The following LRBA variants were observed in gnomAD, a reference collection of about 807,000 sequenced individuals.
LRBA encodes lipopolysaccharide-responsive and beige-like anchor protein.
LRBA carries 176 observed loss-of-function variants against 330.0 expected under a neutral mutation model. The observed-to-expected ratio is 0.53, with a 90% CI of 0.47 to 0.60. The LOEUF is 0.60. Among genes scored for constraint, LRBA ranks in the 20% least tolerant of loss-of-function variants. The pLI is 0.00. For synonymous variants in LRBA, 1,230 were observed against 1,193.0 expected, an observed-to-expected ratio of 1.03 and a Z score of -0.64; for missense variants, 3,259 against 3,444.8, an observed-to-expected ratio of 0.95 and a Z score of 1.35.
intron 40 of LRBA, among the ~76,000 whole-genome samples, chr4:150,559,667 ATATATTATATAATATAT>A (rs1467228438): frequency 2.3e-5 from 2 of 86,686 alleles, no homozygotes; most frequent in Admixed American, 4.2e-4. Flanking sequence ...ATTATAATAT[ATATATTATATAATATAT>A]TATATTATAT....
chr4:150,583,080 T>C lies in LRBA; in HGVS notation c.6330+4968A>G, dbSNP rs1771607964. The C allele has an allele frequency of 6.2e-7, 1 of 1,613,816 alleles. No homozygotes were observed. Among genetic ancestry groups the C allele is most frequent in the African/African-American group, 1.3e-5 (1 of 74,958 alleles). On this transcript the variant is annotated intron_variant, in intron 40 of 56. Coordinates refer to ENST00000651943, the MANE Select transcript of LRBA (RefSeq NM_001364905.1). The surrounding 1 kb of genome is among the most constrained non-coding windows in gnomAD (Gnocchi z 9.8). The stretch of plus-strand genomic sequence containing the variant: ...TTTACCAGCTCAATAAGTACTACAC[T>C]GAGCGCTGTCAGGCGCGCAAGGCGG...
intron 37 of LRBA, among the ~76,000 whole-genome samples, chr4:150,607,763 A>T (rs1774805993): frequency 6.6e-6 from 1 of 151,976 alleles, no homozygotes; most frequent in Non-Finnish European, 1.5e-5. Flanking sequence ...TTAGGCAGAC[A>T]CGGTGGCTCA....
intron 40 of LRBA, among the ~76,000 whole-genome samples, chr4:150,495,379 G>A (rs910919658): frequency 6.6e-5 from 10 of 152,014 alleles, no homozygotes; most frequent in Admixed American, 1.3e-4. Context: ...TTAAAACTTA[G>A]AGAAGAAAAA....
At chr4:150,919,677 CAT>C (rs1219148209) in intron 5 of LRBA, among the ~76,000 whole-genome samples, 2 of 152,162 alleles carry the variant, frequency 1.3e-5, no homozygotes, top group African/African-American at 4.8e-5. Flanking sequence ...AGTGCGTACA[CAT>C]GTTCTCTCTC....
At chr4:150,412,660 C>T (rs984894638) in intron 47 of LRBA, among the ~76,000 whole-genome samples, 2 of 151,958 alleles carry the variant, frequency 1.3e-5, no homozygotes, top group Admixed American at 1.3e-4. Flanking sequence ...AGTAAACATA[C>T]TAACAAACTT....
At chr4:150,449,539 C>A (rs1434560959) in intron 44 of LRBA, among the ~76,000 whole-genome samples, 80 of 145,796 alleles carry the variant, frequency 5.5e-4, no homozygotes, top group Admixed American at 5.4e-4. Flanking sequence ...AAAAAAAAAA[C>A]CAGAAAAGTA....
At chr4:150,657,829 A>T (rs1780365653) in intron 37 of LRBA, among the ~76,000 whole-genome samples, 1 of 152,166 alleles carries the variant, frequency 6.6e-6, no homozygotes, top group Non-Finnish European at 1.5e-5. Flanking sequence ...CAGTATTAAT[A>T]ATATAAGATT....
intron 36 of LRBA, among the ~76,000 whole-genome samples, chr4:150,695,768 A>G (rs1582073799): frequency 6.6e-6 from 1 of 152,304 alleles, no homozygotes; most frequent in East Asian, 1.9e-4. Flanking sequence ...ACTTTCTGCT[A>G]ATCTGCAAAA....
chr4:150,371,977 T>C (rs544244674), intron 47 of LRBA, among the ~76,000 whole-genome samples: 1 of 152,330 alleles, frequency 6.6e-6, no homozygotes, highest in African/African-American at 2.4e-5. Flanking sequence ...CTAATGGTTC[T>C]TCTCTGGAAG....
intron 47 of LRBA, among the ~76,000 whole-genome samples, chr4:150,363,606 T>C (rs1217690802): frequency 1.3e-5 from 2 of 152,210 alleles, no homozygotes; most frequent in Non-Finnish European, 2.9e-5. Flanking sequence ...ATAACCAGTA[T>C]GTAGTAGGTA....
intron 47 of LRBA, among the ~76,000 whole-genome samples, chr4:150,402,873 C>T (rs771824364): frequency 2.6e-5 from 4 of 151,632 alleles, no homozygotes; most frequent in Middle Eastern, 3.4e-3. Context: ...AAAACTAAGC[C>T]GTTCTGGATA....
At chr4:150,472,836 T>C (rs1756298226) in intron 42 of LRBA, among the ~76,000 whole-genome samples, 1 of 152,154 alleles carries the variant, frequency 6.6e-6, no homozygotes, top group African/African-American at 2.4e-5. Context: ...CATTCCTTTT[T>C]ATTGCTGACT....
intron 42 of LRBA, among the ~76,000 whole-genome samples, chr4:150,475,492 T>C (rs1756608073): frequency 2.0e-5 from 3 of 152,228 alleles, no homozygotes; most frequent in Non-Finnish European, 4.4e-5. Flanking sequence ...CCAATTTCTT[T>C]TTGAGCCAGT....
chr4:150,622,656 G>A (rs1033044891), intron 37 of LRBA, among the ~76,000 whole-genome samples: 1 of 151,122 alleles, frequency 6.6e-6, no homozygotes, highest in East Asian at 1.9e-4. Context: ...AGATGGAAAC[G>A]GTGGGTGAAG....
chr4:150,940,017 A>C (rs1181948835), intron 2 of LRBA, among the ~76,000 whole-genome samples: 1 of 152,178 alleles, frequency 6.6e-6, no homozygotes, highest in Non-Finnish European at 1.5e-5. Context: ...ATTGGTACTC[A>C]GTTTTTCCAA....
chr4:150,299,414 G>C (rs1729369266), intron 53 of LRBA, among the ~76,000 whole-genome samples: 1 of 151,986 alleles, frequency 6.6e-6, no homozygotes, highest in Admixed American at 6.6e-5. Flanking sequence ...TTGCTATGTA[G>C]TCTAGGCAGG....
intron 2 of LRBA, among the ~76,000 whole-genome samples, chr4:150,938,307 T>C (rs1735310308): frequency 6.6e-6 from 1 of 152,136 alleles, no homozygotes; most frequent in South Asian, 2.1e-4. Context: ...CCTCAAGATA[T>C]CCAATTTTTC....
chr4:150,618,557 A>C (rs181132124), intron 37 of LRBA, among the ~76,000 whole-genome samples: 1 of 152,080 alleles, frequency 6.6e-6, no homozygotes, highest in African/African-American at 2.4e-5. Flanking sequence ...TTTATTTTTT[A>C]AAGTTAAAAA....
chr4:150,571,320 A>T (rs1005853430), intron 40 of LRBA, among the ~76,000 whole-genome samples: 3 of 152,100 alleles, frequency 2.0e-5, no homozygotes, highest in African/African-American at 7.2e-5. Context: ...ATCCAACAGA[A>T]AAACACAGAT....
Sources: allele counts gnomAD v4.1 joint callset (sites outside exome capture counted in the v4.1 genomes callset), GRCh38; gene constraint gnomAD v4.1.1; non-coding constraint Gnocchi (gnomAD v3.1); transcripts MANE v1.5; gene names NCBI Gene and HGNC (gene_info 2026-07-23, HGNC 2026-07-21).